Variants in ZFP1 observed in about 807,000 individuals in gnomAD.
The protein encoded by ZFP1 is zinc finger protein 1 homolog.
A neutral mutation model predicts 38.5 loss-of-function variants in ZFP1; 32 were observed. The ratio of observed to expected loss-of-function variants is 0.83; its 90% CI spans 0.63 to 1.12. The LOEUF is 1.12. Among genes scored for constraint, ZFP1 ranks in the 50% most tolerant of loss-of-function variants. ZFP1 has a pLI of 0.00. For synonymous variants in ZFP1, 245 were observed against 168.8 expected (o/e 1.45, Z -3.50); for missense variants, 616 against 480.8 (o/e 1.28, Z -2.63).
At chr16:75,132,974 AT>A in the ZFP1 span, among the ~76,000 whole-genome samples, 1 of 140,912 alleles carries the variant, frequency 7.1e-6, no homozygotes, top group Non-Finnish European at 1.5e-5. Flanking sequence ...TCATTTTAAG[AT>A]TTTTTAACTT....
the ZFP1 span, among the ~76,000 whole-genome samples, chr16:75,121,324 G>A: frequency 6.6e-5 from 10 of 150,432 alleles, no homozygotes; most frequent in East Asian, 8.0e-4. Context: ...ACGGGGTTTC[G>A]CCGTGTTAGC....
upstream of ZFP1, among the ~76,000 whole-genome samples, chr16:75,147,193 G>A (rs1333376613): frequency 6.6e-6 from 1 of 152,160 alleles, no homozygotes; most frequent in Non-Finnish European, 1.5e-5. Flanking sequence ...GTACGATACT[G>A]TAATGGTTAC....
Position 75,170,093 on chromosome 16 carries a change from A to C in ZFP1, c.983A>C (p.Glu328Ala). ...GGGGAGAAACGCTATGAGTGCAGTG[A>C]ATGTGGAAAATCCTTTATCCAGAAC... ...HTGEKRYECS[E>A]CGKSFIQNSQ... The change falls in exon 4 of 4, where the codon GAA becomes GCA. Residue 328 changes from glutamate to alanine, a missense_variant. By Grantham distance (107) the Glu-to-Ala change is moderately radical. Transcript: ENST00000570010. 1 of 1,614,120 alleles carries C rather than the reference A, an allele frequency of 6.2e-7. No individual in the cohort carries two copies. Among genetic ancestry groups the C allele is most frequent in the Non-Finnish European group, 8.5e-7 (1 of 1,179,980 alleles).
At position 75,169,375 on chromosome 16, in the gene ZFP1, G is replaced by A. The variant is rs748032455; in HGVS notation, c.265G>A (p.Ala89Thr). Residue 89 changes from alanine to threonine, a missense_variant, in exon 4 of 4, where the codon GCA becomes ACA. By Grantham distance (58) the Ala-to-Thr change is moderately conservative. Coordinates refer to ENST00000570010, the MANE Select transcript of ZFP1 (RefSeq NM_153688.4). ...GGAAAGAGGCGATCTCTTTGGAAAA[G>A]CACTTAATCTGAACACAGACTTTGT... ...IEERGDLFGK[A>T]LNLNTDFVSL... The A allele has an allele frequency of 3.7e-6, 6 of 1,614,122 alleles. No individual in the cohort carries two copies. Among genetic ancestry groups the A allele is most frequent in the Non-Finnish European group, 5.1e-6 (6 of 1,179,998 alleles).
At chr16:75,146,201 C>T (rs1459204127), upstream of ZFP1, among the ~76,000 whole-genome samples, 10 of 150,316 alleles carry the variant, frequency 6.7e-5, no homozygotes, top group Admixed American at 1.3e-4. Flanking sequence ...CTCGCTCTGT[C>T]GCCCAGGCTG....
At chr16:75,150,102 T>G (rs1294074753) in intron 1 of ZFP1, among the ~76,000 whole-genome samples, 1 of 152,184 alleles carries the variant, frequency 6.6e-6, no homozygotes, top group Non-Finnish European at 1.5e-5. Context: ...TGTGTTTTCA[T>G]TACCATTCAA....
intron 3 of ZFP1, 145 bp downstream of exon 3, chr16:75,167,041 A>G (rs1443209845): frequency 1.4e-6 from 2 of 1,416,686 alleles, no homozygotes; most frequent in South Asian, 1.5e-5. Context: ...GCAGCCTTTA[A>G]AGCTCTATCA....
At chr16:75,137,845 A>G in the ZFP1 span, among the ~76,000 whole-genome samples, 11 of 151,960 alleles carry the variant, frequency 7.2e-5, no homozygotes, top group Non-Finnish European at 1.2e-4. Flanking sequence ...GCAGGGAGCT[A>G]GGATTCCATC....
chr16:75,152,423 T>C (rs889848826), intron 1 of ZFP1, among the ~76,000 whole-genome samples: 3 of 152,254 alleles, frequency 2.0e-5, no homozygotes, highest in Non-Finnish European at 4.4e-5. Flanking sequence ...TTGACCTATC[T>C]TCAAGTTTAC....
intron 1 of ZFP1, among the ~76,000 whole-genome samples, chr16:75,149,591 G>A (rs1241761739): frequency 1.7e-5 from 2 of 114,808 alleles, no homozygotes; most frequent in East Asian, 5.2e-4. Flanking sequence ...ACGGAGTCTC[G>A]CTCTGTCGTC....
chr16:75,123,702 T>C, the ZFP1 span, among the ~76,000 whole-genome samples: 1 of 150,912 alleles, frequency 6.6e-6, no homozygotes, highest in Non-Finnish European at 1.5e-5. Context: ...GGTCTCGAAC[T>C]CCTGAGCTCA....
intron 2 of ZFP1, among the ~76,000 whole-genome samples, chr16:75,162,365 C>T (rs1268770664): frequency 1.3e-5 from 2 of 152,068 alleles, no homozygotes; most frequent in African/African-American, 4.8e-5. Context: ...CTTAAGTGAT[C>T]CACCTGCCTT....
At chr16:75,123,569 C>T in the ZFP1 span, among the ~76,000 whole-genome samples, 1 of 146,426 alleles carries the variant, frequency 6.8e-6, no homozygotes, top group African/African-American at 2.5e-5. Flanking sequence ...TGCAGTGGTG[C>T]AGGGTTCAAG....
At chr16:75,134,288 C>T in the ZFP1 span, among the ~76,000 whole-genome samples, 5 of 152,100 alleles carry the variant, frequency 3.3e-5, no homozygotes, top group African/African-American at 1.2e-4. Context: ...TTTTTTAATT[C>T]TAATTGGAAT....
At position 75,170,769 on chromosome 16, in the gene ZFP1, C is replaced by T. The variant is rs1032184016; in HGVS notation, c.*435C>T. Reference sequence around the variant, plus strand: ...TTCTTGTCCTCTGTGATAATTAGGACATAACAAGATTTTCCATACTAAACA... The same window carrying T: ...TTCTTGTCCTCTGTGATAATTAGGATATAACAAGATTTTCCATACTAAACA... On this transcript the variant is annotated 3_prime_UTR_variant, in exon 4 of 4. Coordinates refer to ENST00000570010, the MANE Select transcript of ZFP1 (RefSeq NM_153688.4). 1.3e-5 allele frequency: 2 copies of T among 156,914 alleles called. No individual in the cohort carries two copies. The highest frequency in any genetic ancestry group is 4.0e-4 in the South Asian group (2 of 5,054). 9.7% of individuals were successfully genotyped at this position (156,914 alleles called of 1,614,324 possible).
At chr16:75,134,255 G>C in the ZFP1 span, among the ~76,000 whole-genome samples, 1 of 152,096 alleles carries the variant, frequency 6.6e-6, no homozygotes, top group Non-Finnish European at 1.5e-5. Flanking sequence ...TGTTATGTTA[G>C]GTGAATTTTA....
chr16:75,171,768 GAA>G lies in ZFP1; in HGVS notation c.*1435_*1436del, dbSNP rs2145597302. The G allele has an allele frequency of 6.6e-6, 1 of 152,278 alleles. No individual in the cohort carries two copies. Among genetic ancestry groups the G allele is most frequent in the East Asian group, 1.9e-4 (1 of 5,192 alleles). 9.4% of individuals were successfully genotyped at this position (152,278 alleles called of 1,614,324 possible). A position where few individuals can be genotyped will look rare whatever the true frequency, so the allele number is the denominator to read the frequency against. On this transcript the variant is annotated 3_prime_UTR_variant, in exon 4 of 4. Transcript: ENST00000570010. Reference sequence around the variant, plus strand: ...GTGACTTTCTGAACAAATTTATCCAGAACATCCATAGCCCAATAAGCTTTTGT... The same window carrying G: ...GTGACTTTCTGAACAAATTTATCCAGCATCCATAGCCCAATAAGCTTTTGT...
chr16:75,169,411 C>T lies in ZFP1; in HGVS notation c.301C>T (p.Gln101Ter), dbSNP rs1597090070. 3 of 1,613,834 alleles carry T rather than the reference C, an allele frequency of 1.9e-6. No homozygotes were observed. The highest frequency in any genetic ancestry group is 2.5e-6 in the Non-Finnish European group (3 of 1,179,974). Residue 101 changes from glutamine to a stop codon, truncating the protein, a stop_gained, in exon 4 of 4, where the codon CAA becomes TAA. Transcript: ENST00000570010. LOFTEE classifies it high-confidence loss of function. ...NLNTDFVSLR[Q>*]VPYKYDLYEK... ...GAACACAGACTTTGTTTCTTTAAGA[C>T]AAGTACCTTATAAATATGACTTATA...
the ZFP1 span, among the ~76,000 whole-genome samples, chr16:75,139,938 G>T: frequency 6.6e-6 from 1 of 152,124 alleles, no homozygotes; most frequent in Non-Finnish European, 1.5e-5. Context: ...GGTTAAGATA[G>T]TAAATTTTAT....
Sources: allele counts gnomAD v4.1 joint callset (sites outside exome capture counted in the v4.1 genomes callset), GRCh38; gene constraint gnomAD v4.1.1; transcripts MANE v1.5; gene names NCBI Gene and HGNC (gene_info 2026-07-23, HGNC 2026-07-21).